TBC1D9B: variants seen among roughly 807,000 people sequenced by gnomAD.
TBC1D9B encodes TBC1 domain family, member 9B (with GRAM domain).
In TBC1D9B, 87 loss-of-function variants were observed where a neutral mutation model predicts 121.1. That is an observed-to-expected ratio of 0.72 (90% CI 0.60 to 0.86). TBC1D9B has a LOEUF of 0.86. Ranked by LOEUF, TBC1D9B falls within the 40% of genes least tolerant of loss-of-function variation. TBC1D9B has a pLI of 0.00. For missense variants in TBC1D9B, 1,540 were observed against 1,628.6 expected (o/e 0.95, Z 0.94); for synonymous variants, 668 against 670.1 (o/e 1.00, Z 0.05).
chr5:179,879,483 C>T lies in TBC1D9B; in HGVS notation c.1416+145G>A, dbSNP rs1396575396. The T allele has an allele frequency of 2.1e-5, 27 of 1,313,686 alleles. No individual in the cohort carries two copies. In the Admixed American group the frequency reaches 2.4e-4, roughly 12 times the overall value. 81.4% of individuals were successfully genotyped at this position (1,313,686 alleles called of 1,614,324 possible). A position where few individuals can be genotyped will look rare whatever the true frequency, so the allele number is the denominator to read the frequency against. The stretch of plus-strand genomic sequence containing the variant: ...CCCAGAGAGTGCCTGCTCCGTCTCA[C>T]GCTGCCAGGGTGCAGCCTGGGTGGG... On this transcript the variant is annotated intron_variant, in intron 8 of 20. Transcript: ENST00000355235.
rs751515072 is a variant in TBC1D9B at position 179,863,580 on chromosome 5, G to A, written c.3570C>T (p.Ile1190=). The change falls in exon 21 of 21, where the codon ATC becomes ATT. Residue 1190 remains isoleucine (I), a synonymous_variant. Transcript: ENST00000355235. The surrounding 1 kb of genome is among the most constrained non-coding windows in gnomAD (Gnocchi z 4.5). ...AGTTCACCAGCACGGACTCCGTCAG[G>A]ATGGAGGCCAGGATCTGCTCAAAGG... ...CISFEQILAS[I]LTESVLVNFF... 14 of 1,614,044 alleles carry A rather than the reference G, an allele frequency of 8.7e-6. No homozygotes were observed. The South Asian group carries it at 8.8e-5, about 10-fold the overall frequency.
chr5:179,871,509 T>C lies in TBC1D9B; in HGVS notation c.2437A>G (p.Ile813Val), dbSNP rs769202345. 1.4e-5 allele frequency: 22 copies of C among 1,613,198 alleles called. No homozygotes were observed. In the Admixed American group the frequency reaches 1.8e-4, roughly 13 times the overall value. Residue 813 changes from isoleucine to valine, a missense_variant, in exon 15 of 21, where the codon ATT becomes GTT. Physicochemically the swap from Ile to Val is conservative, Grantham distance 29 (BLOSUM62 3). Coordinates refer to ENST00000355235, the MANE Select transcript of TBC1D9B (RefSeq NM_015043.4). ...TCCAGCTCTTCAATGGAGAAACCAATGTCCACAGGTATAGCTCGGACCTAG... is the reference window on the plus strand; with the variant it reads ...TCCAGCTCTTCAATGGAGAAACCAACGTCCACAGGTATAGCTCGGACCTAG... ...RSVVRAIPVD[I>V]GFSIEELEDL...
In TBC1D9B at chr5:179,871,493, T is replaced by C; in HGVS notation, c.2453A>G (p.Glu818Gly). The change falls in exon 15 of 21, where the codon GAA (glutamate) becomes GGA (glycine). Residue 818 changes from glutamate (E) to glycine (G), a missense_variant. By Grantham distance (98) the Glu-to-Gly change is moderately conservative (BLOSUM62 -2). Coordinates refer to ENST00000355235, the MANE Select transcript of TBC1D9B (RefSeq NM_015043.4). ...CACCATGTAAAGGTCCTCCAGCTCT[T>C]CAATGGAGAAACCAATGTCCACAGG... ...AIPVDIGFSI[E>G]ELEDLYMVFK... 1.9e-6 allele frequency: 3 copies of C among 1,613,256 alleles called. No individual in the cohort carries two copies. The highest frequency in any genetic ancestry group is 2.5e-6 in the Non-Finnish European group (3 of 1,179,722).
rs375732934 is a variant in TBC1D9B, at chr5:179,899,023, G to A, written c.348+166C>T. ...GTAAGAAGGGGTTTTCCTGGGTCACGAGTTCCTCTGCCCCTTTCAACTCCA... is the reference window on the plus strand; with the variant it reads ...GTAAGAAGGGGTTTTCCTGGGTCACAAGTTCCTCTGCCCCTTTCAACTCCA... On this transcript the variant is annotated intron_variant, in intron 3 of 20. Transcript: ENST00000355235. 3.0e-4 allele frequency among the ~76,000 whole-genome samples: 46 copies of A among 152,270 alleles called. No homozygotes were observed. In the East Asian group the frequency reaches 5.6e-3, roughly 19 times the overall value.
Position 179,865,569 on chromosome 5 carries a change from G to A in TBC1D9B, c.2915-209C>T. ...TTGCTGCAGTGGTTGGACCTAAGCT[G>A]ATGACAATGATCCACAATGTCTTCT... is the stretch of plus-strand genomic sequence containing the variant. On this transcript the variant is annotated intron_variant, in intron 19 of 20. Transcript: ENST00000355235. This position sits in a 1 kb window ranked among gnomAD's most constrained non-coding sequence, Gnocchi z 5.1. 4 of 620,024 alleles carry A rather than the reference G, an allele frequency of 6.5e-6. No homozygotes were observed. Among genetic ancestry groups the A allele is most frequent in the Non-Finnish European group, 1.1e-5 (4 of 353,038 alleles). The allele number at this position is 620,024 out of a possible 1,614,324, so 38.4% of individuals were successfully genotyped here. A position where few individuals can be genotyped will look rare whatever the true frequency, so the allele number is the denominator to read the frequency against.
rs534277463 is a variant in TBC1D9B, at chr5:179,891,097, G to A, written c.1044+282C>T. On this transcript the variant is annotated intron_variant, in intron 6 of 20. Transcript: ENST00000355235. This position sits in a 1 kb window ranked among gnomAD's most constrained non-coding sequence, Gnocchi z 4.3. ...GAAGGCAGGCCTGATGGAAACTCAC[G>A]CGTGGGAGACCCTGTCTCCACTAGG... 3.3e-5 allele frequency among the ~76,000 whole-genome samples: 5 copies of A among 152,330 alleles called. No homozygotes were observed. Among genetic ancestry groups the A allele is most frequent in the South Asian group, 2.1e-4 (1 of 4,832 alleles).
At chr5:179,898,960 C>T (rs1385386587) in intron 3 of TBC1D9B, among the ~76,000 whole-genome samples, 2 of 152,200 alleles carry the variant, frequency 1.3e-5, no homozygotes, top group Non-Finnish European at 2.9e-5. Context: ...AATGGAAGCC[C>T]CGCACTAGGC....
At position 179,862,088 on chromosome 5, in the gene TBC1D9B, C is replaced by T. The variant is rs372396538; in HGVS notation, c.*1360G>A. ...AACTTTCATTACAGTATAACCGTTA[C>T]ATTTTATTATTAGTTATTGTTGTCA... is the stretch of plus-strand genomic sequence containing the variant. On this transcript the variant is annotated 3_prime_UTR_variant, in exon 21 of 21. Transcript: ENST00000355235. The T allele has an allele frequency of 2.4e-5, 4 of 164,254 alleles. No homozygotes were observed. The highest frequency in any genetic ancestry group is 1.6e-4 in the East Asian group (1 of 6,310). The allele number at this position is 164,254 out of a possible 1,614,324, so 10.2% of individuals were successfully genotyped here.
chr5:179,875,239 G>A lies in TBC1D9B; in HGVS notation c.1901-52C>T, dbSNP rs746223231. The A allele has an allele frequency of 2.5e-6, 4 of 1,588,698 alleles. No individual in the cohort carries two copies. Among genetic ancestry groups the A allele is most frequent in the Non-Finnish European group, 3.4e-6 (4 of 1,170,270 alleles). ...GGTGAGCCCACCCTGTGGCCTGGGT[G>A]GGCCCTCACCTGCAGCGTACGAGCC... On this transcript the variant is annotated intron_variant, in intron 11 of 20. Transcript: ENST00000355235. This position sits in a 1 kb window ranked among gnomAD's most constrained non-coding sequence, Gnocchi z 4.5.
chr5:179,891,551 C>T lies in TBC1D9B; in HGVS notation c.872G>A (p.Arg291Gln), dbSNP rs1371101669. 5 of 1,613,686 alleles carry T rather than the reference C, an allele frequency of 3.1e-6. No individual in the cohort carries two copies. The highest frequency in any genetic ancestry group is 1.7e-5 in the Admixed American group (1 of 59,994). Residue 291 changes from arginine (R) to glutamine (Q), a missense_variant, in exon 6 of 21, where the codon CGA becomes CAA. Transcript: ENST00000355235. This position sits in a 1 kb window ranked among gnomAD's most constrained non-coding sequence, Gnocchi z 4.3. Reference sequence around the variant, plus strand: ...ATCCCTGGGCAGCCGGAACGTGGCTCGGTAGCACTCATTCTTGGCTCGGGC... The same window carrying T: ...ATCCCTGGGCAGCCGGAACGTGGCTTGGTAGCACTCATTCTTGGCTCGGGC... ...LDARAKNECY[R>Q]ATFRLPRDER... is the part of the protein sequence containing the mutation.
At chr5:179,892,124 C>T (rs1760884158) in intron 5 of TBC1D9B, among the ~76,000 whole-genome samples, 1 of 152,216 alleles carries the variant, frequency 6.6e-6, no homozygotes, top group African/African-American at 2.4e-5. Context: ...AGGCCCTCAC[C>T]CCTTTGGTGG....
Position 179,865,957 on chromosome 5 carries a change from C to A in TBC1D9B, c.2864-69G>T. 1 of 1,584,678 alleles carries A rather than the reference C, an allele frequency of 6.3e-7. No homozygotes were observed. Among genetic ancestry groups the A allele is most frequent in the Non-Finnish European group, 8.7e-7 (1 of 1,153,938 alleles). ...TGTTGGGACTGCAAGCTCCTGGGGT[C>A]CTTGAGATGTAGTCTGTGTTTCTGT... On this transcript the variant is annotated intron_variant, in intron 18 of 20. Transcript: ENST00000355235. This position sits in a 1 kb window ranked among gnomAD's most constrained non-coding sequence, Gnocchi z 5.1.
At chr5:179,886,587 C>T (rs1467925371) in intron 7 of TBC1D9B, among the ~76,000 whole-genome samples, 2 of 152,194 alleles carry the variant, frequency 1.3e-5, no homozygotes, top group African/African-American at 4.8e-5. Context: ...CGCTCACTGA[C>T]GTAGTAATTT....
In TBC1D9B at chr5:179,871,470, C is replaced by G. The variant is rs372854105; in HGVS notation, c.2476G>C (p.Val826Leu). ...SIEELEDLYM[V>L]FKAKHLASQY... Reference sequence around the variant, plus strand: ...TGGCTCTGAGCTGTCACCTTAAACACCATGTAAAGGTCCTCCAGCTCTTCA... The same window carrying G: ...TGGCTCTGAGCTGTCACCTTAAACAGCATGTAAAGGTCCTCCAGCTCTTCA... Residue 826 changes from valine to leucine, a missense_variant, in exon 15 of 21, where the codon GTG becomes CTG. Coordinates refer to ENST00000355235, the MANE Select transcript of TBC1D9B (RefSeq NM_015043.4). The G allele has an allele frequency of 1.3e-5, 21 of 1,612,944 alleles. No homozygotes were observed. In the East Asian group the frequency reaches 1.6e-4, roughly 12 times the overall value.
intron 7 of TBC1D9B, among the ~76,000 whole-genome samples, chr5:179,887,192 G>A (rs558393281): frequency 6.6e-6 from 1 of 152,372 alleles, no homozygotes; most frequent in African/African-American, 2.4e-5. Flanking sequence ...AAGGAGGAAT[G>A]GAATGAGCAT....
chr5:179,874,060 G>T lies in TBC1D9B; in HGVS notation c.2187-812C>A, dbSNP rs1379878063. Among the ~76,000 whole-genome samples the T allele has an allele frequency of 6.6e-6, 1 of 152,214 alleles. No individual in the cohort carries two copies. Among genetic ancestry groups the T allele is most frequent in the Non-Finnish European group, 1.5e-5 (1 of 68,026 alleles). On this transcript the variant is annotated intron_variant, in intron 12 of 20. Coordinates refer to ENST00000355235, the MANE Select transcript of TBC1D9B (RefSeq NM_015043.4). This position sits in a 1 kb window ranked among gnomAD's most constrained non-coding sequence, Gnocchi z 4.3. ...CTGGCCTGGCCATGGGCAAGTGGCA[G>T]AGTCCCAGGCTGTTCCTGGGGGCTG...
rs770622311 is a variant in TBC1D9B at position 179,878,444 on chromosome 5, G to A, written c.1647C>T (p.Ala549=). 3.7e-6 allele frequency: 6 copies of A among 1,613,028 alleles called. No homozygotes were observed. In the Admixed American group the frequency reaches 1.0e-4, roughly 27 times the overall value. ...VEKSTGKYSL[A]TEEIERDLHR... Reference sequence around the variant, plus strand: ...GCAGGTCTCGCTCGATCTCCTCTGTGGCCAGGCTGTACTTCCCGGTGGACT... The same window carrying A: ...GCAGGTCTCGCTCGATCTCCTCTGTAGCCAGGCTGTACTTCCCGGTGGACT... Residue 549 remains alanine (A), a synonymous_variant, in exon 10 of 21, where the codon GCC becomes GCT. Coordinates refer to ENST00000355235, the MANE Select transcript of TBC1D9B (RefSeq NM_015043.4).
intron 20 of TBC1D9B, among the ~76,000 whole-genome samples, chr5:179,864,820 T>C (rs1249401829): frequency 1.4e-4 from 22 of 152,238 alleles, no homozygotes; most frequent in Admixed American, 1.4e-3. Context: ...GCTTGCAGTT[T>C]GGAGCTGGGG....
rs1759891141 is a variant in TBC1D9B, at chr5:179,863,001, A to G, written c.*447T>C. ...GGGTTCCATCACTTTGGTGCCCAAC[A>G]AGCACATGCCCCCCAACCTGGTGCC... On this transcript the variant is annotated 3_prime_UTR_variant, in exon 21 of 21. Transcript: ENST00000355235. This position sits in a 1 kb window ranked among gnomAD's most constrained non-coding sequence, Gnocchi z 4.5. 1 of 259,656 alleles carries G rather than the reference A, an allele frequency of 3.9e-6. No individual in the cohort carries two copies. The highest frequency in any genetic ancestry group is 7.8e-6 in the Non-Finnish European group (1 of 128,282). 16.1% of individuals were successfully genotyped at this position (259,656 alleles called of 1,614,324 possible).
Sources: gnomAD v4.1 joint callset for allele counts (sites outside exome capture counted in the v4.1 genomes callset) on GRCh38, gnomAD v4.1.1 for gene constraint, Gnocchi (gnomAD v3.1) non-coding constraint, MANE v1.5 for transcripts, NCBI Gene and HGNC (gene_info 2026-07-23, HGNC 2026-07-21) for gene names.